LHX8: variants seen among roughly 807,000 people sequenced by gnomAD.
LHX8 encodes the protein LIM homeobox 8, also known as LIM/homeobox protein Lhx8.
A neutral mutation model predicts 40.3 loss-of-function variants in LHX8; 12 were observed. The ratio of observed to expected loss-of-function variants is 0.30; its 90% confidence interval spans 0.19 to 0.48. LHX8 has a LOEUF of 0.48. Ranked by LOEUF, LHX8 falls within the 20% of genes least tolerant of loss-of-function variation. The pLI is 0.99. For missense variants in LHX8, 344 were observed against 433.7 expected (o/e 0.79, Z 1.84); for synonymous variants, 179 against 162.0 (o/e 1.10, Z -0.80).
intron 7 of LHX8, among the ~76,000 whole-genome samples, chr1:75,153,136 C>T (rs1455707863): frequency 6.6e-6 from 1 of 151,382 alleles, no homozygotes; most frequent in African/African-American, 2.4e-5. Context: ...GATGGAGTCT[C>T]ACTCTGTCAC....
At chr1:75,185,266 C>A in the LHX8 span, among the ~76,000 whole-genome samples, 5 of 151,708 alleles carry the variant, frequency 3.3e-5, no homozygotes, top group East Asian at 9.7e-4. Context: ...GCCAACATCA[C>A]CCTGATACCA....
chr1:75,141,223 A>G, intron 4 of LHX8, 117 bp downstream of exon 4: 2 of 1,095,362 alleles, frequency 1.8e-6, no homozygotes, highest in Admixed American at 2.2e-5. Context: ...TTTCTTATTT[A>G]AGAGATTTCA....
intron 7 of LHX8, among the ~76,000 whole-genome samples, chr1:75,156,080 G>C (rs1171641898): frequency 6.6e-6 from 1 of 151,650 alleles, no homozygotes; most frequent in African/African-American, 2.4e-5. Flanking sequence ...TAAAACCAAG[G>C]AGATTTCTCT....
chr1:75,169,916 C>T, the LHX8 span, among the ~76,000 whole-genome samples: 3 of 152,228 alleles, frequency 2.0e-5, no homozygotes, highest in African/African-American at 7.2e-5. Flanking sequence ...AACTGGCTCA[C>T]TTTTCAGGCT....
downstream of LHX8, among the ~76,000 whole-genome samples, chr1:75,164,581 T>G (rs1186764193): frequency 3.9e-5 from 6 of 152,332 alleles, no homozygotes; most frequent in East Asian, 9.6e-4. Context: ...CAGCAGTGTT[T>G]GAAGTGTTTT....
At chr1:75,149,245 C>G (rs946535358) in intron 7 of LHX8, among the ~76,000 whole-genome samples, 1 of 152,138 alleles carries the variant, frequency 6.6e-6, no homozygotes, top group Non-Finnish European at 1.5e-5. Context: ...TGAATTAGTG[C>G]AAGTTTTTTC....
upstream of LHX8, among the ~76,000 whole-genome samples, chr1:75,133,522 A>G (rs1051213334): frequency 6.6e-6 from 1 of 152,224 alleles, no homozygotes; most frequent in Non-Finnish European, 1.5e-5. Context: ...ATAGACTCCT[A>G]GATCTTCTTA....
rs1204629726 is a variant in LHX8 at position 75,141,055 on chromosome 1, C to T, written c.308C>T (p.Thr103Ile). The change falls in exon 4 of 9, where the codon ACC becomes ATC. Residue 103 changes from threonine (T) to isoleucine (I), a missense_variant. Physicochemically the swap from Thr to Ile is moderately conservative, Grantham distance 89. Around this residue, in one of 3 missense-constraint regions of LHX8, gnomAD observed 147 missense variants for 250.8 expected, o/e 0.59. Coordinates refer to ENST00000356261, the MANE Select transcript of LHX8 (RefSeq NM_001256114.2). ...TGCAGAACCTCCCTAGGAAGGCACACCAGCTGTTATATTAAAGACAAAGAC... is the reference window on the plus strand; with the variant it reads ...TGCAGAACCTCCCTAGGAAGGCACATCAGCTGTTATATTAAAGACAAAGAC... ...SVCRTSLGRH[T>I]SCYIKDKDIF... 6.2e-7 allele frequency: 1 copy of T among 1,613,340 alleles called. No homozygotes were observed. Among genetic ancestry groups the T allele is most frequent in the Non-Finnish European group, 8.5e-7 (1 of 1,179,594 alleles).
rs1253141538 is a variant in LHX8 at position 75,161,301 on chromosome 1, A to AT, written c.*412dup. 1 of 193,576 alleles carries AT rather than the reference A, an allele frequency of 5.2e-6. No individual in the cohort carries two copies. Among genetic ancestry groups the AT allele is most frequent in the African/African-American group, 2.4e-5 (1 of 41,922 alleles). 12.0% of individuals were successfully genotyped at this position (193,576 alleles called of 1,614,324 possible). A position where few individuals can be genotyped will look rare whatever the true frequency, so the allele number is the denominator to read the frequency against. ...AGTTATTGTAATAAATATTACCTGT[A>AT]TTTTTTGTTATATACAACTTTATAC... is the stretch of plus-strand genomic sequence containing the variant. On this transcript the variant is annotated 3_prime_UTR_variant, in exon 9 of 9. Transcript: ENST00000356261.
chr1:75,143,870 C>T lies in LHX8; in HGVS notation c.606C>T (p.Ala202=), dbSNP rs147867930. The change falls in exon 6 of 9, where the codon GCC becomes GCT. Residue 202 remains alanine, a synonymous_variant. Coordinates refer to ENST00000356261, the MANE Select transcript of LHX8 (RefSeq NM_001256114.2). ...ENGNGISVEG[A]LLTEQDVNHP... ...GGAATGGGATTAGTGTGGAAGGTGCCCTCCTCACAGAGCAAGATGTTAACC... is the reference window on the plus strand; with the variant it reads ...GGAATGGGATTAGTGTGGAAGGTGCTCTCCTCACAGAGCAAGATGTTAACC... 541 of 1,613,062 alleles carry T rather than the reference C, an allele frequency of 3.4e-4. 1 individual carries two copies. The Middle Eastern group carries it at 3.8e-3, about 11-fold the overall frequency.
downstream of LHX8, among the ~76,000 whole-genome samples, chr1:75,163,793 G>T (rs1297796488): frequency 6.6e-6 from 1 of 152,164 alleles, no homozygotes; most frequent in African/African-American, 2.4e-5. Flanking sequence ...CTGCAATGTG[G>T]TGGTATTAAG....
the LHX8 span, among the ~76,000 whole-genome samples, chr1:75,171,378 T>C: frequency 1.3e-5 from 2 of 151,924 alleles, no homozygotes; most frequent in African/African-American, 4.8e-5. Flanking sequence ...AGGTAGGAAA[T>C]CTGAGTCACT....
At chr1:75,192,657 CT>C in the LHX8 span, among the ~76,000 whole-genome samples, 1 of 151,652 alleles carries the variant, frequency 6.6e-6, no homozygotes, top group Middle Eastern at 3.2e-3. Context: ...TTATTTTTTA[CT>C]TTTTTCATAC....
the LHX8 span, among the ~76,000 whole-genome samples, chr1:75,179,731 T>A: frequency 2.6e-5 from 4 of 152,146 alleles, no homozygotes; most frequent in Non-Finnish European, 5.9e-5. Context: ...ATCCTGTCAT[T>A]ATGATGTCAG....
chr1:75,131,504 C>A (rs1043177891), upstream of LHX8: 2 of 152,488 alleles, frequency 1.3e-5, no homozygotes, highest in Non-Finnish European at 2.9e-5. Context: ...GCCTGCAGTG[C>A]GAGCTGAGTG....
chr1:75,140,878 C>A, intron 3 of LHX8, 107 bp from the exon 4 acceptor site: 2 of 999,780 alleles, frequency 2.0e-6, no homozygotes, highest in Non-Finnish European at 3.1e-6. Context: ...ACATTCAGAG[C>A]ATGTGTTAAT....
the LHX8 span, among the ~76,000 whole-genome samples, chr1:75,193,246 A>G: frequency 1.1e-4 from 16 of 152,148 alleles, no homozygotes; most frequent in African/African-American, 1.9e-4. Flanking sequence ...TTAAAGTGTC[A>G]GCTGCCTTAG....
At chr1:75,170,034 A>G in the LHX8 span, among the ~76,000 whole-genome samples, 2 of 152,300 alleles carry the variant, frequency 1.3e-5, no homozygotes, top group South Asian at 2.1e-4. Context: ...CCCCAGGTCT[A>G]TGTTGCCAGA....
At chr1:75,155,088 G>C (rs1375357371) in intron 7 of LHX8, among the ~76,000 whole-genome samples, 4 of 152,056 alleles carry the variant, frequency 2.6e-5, no homozygotes, top group Non-Finnish European at 5.9e-5. Flanking sequence ...TTATGCCCCT[G>C]ATGTTTTCCT....
Sources: gnomAD v4.1 joint callset for allele counts (sites outside exome capture counted in the v4.1 genomes callset) on GRCh38, gnomAD v4.1.1 for gene constraint, gnomAD v4.1.1 regional missense constraint, MANE v1.5 for transcripts, NCBI Gene and HGNC (gene_info 2026-07-23, HGNC 2026-07-21) for gene names.